TAF3: variants seen among roughly 807,000 people sequenced by gnomAD.
TAF3 encodes the protein TATA-box binding protein associated factor 3.
A neutral mutation model predicts 80.6 loss-of-function variants in TAF3; 7 were observed. The ratio of observed to expected loss-of-function variants is 0.09; its 90% CI spans 0.05 to 0.16. TAF3 has a LOEUF of 0.16. Ranked by LOEUF, TAF3 falls within the 10% of genes least tolerant of loss-of-function variation. TAF3 has a pLI of 1.00. For synonymous variants in TAF3, 444 were observed against 446.1 expected, an observed-to-expected ratio of 1.00 and a Z score of 0.06; for missense variants, 921 against 1,140.2, an observed-to-expected ratio of 0.81 and a Z score of 2.77.
chr10:8,008,020 G>A (rs114102784), intron 4 of TAF3, among the ~76,000 whole-genome samples: 2,390 of 151,676 alleles, frequency 0.016, 70 homozygotes, highest in African/African-American at 0.055. Context: ...AGCGACCTGC[G>A]GCAGCATCAC....
chr10:7,932,915 A>G (rs906376538), intron 2 of TAF3, among the ~76,000 whole-genome samples: 6 of 151,922 alleles, frequency 3.9e-5, no homozygotes, highest in African/African-American at 1.5e-4. Flanking sequence ...CCTGGGCTCG[A>G]GTGATCCTCC....
At chr10:7,941,315 T>G (rs1837973676) in intron 2 of TAF3, among the ~76,000 whole-genome samples, 1 of 152,228 alleles carries the variant, frequency 6.6e-6, no homozygotes, top group South Asian at 2.1e-4. Context: ...ATTTGTTGAA[T>G]TAAACTTCAA....
intron 2 of TAF3, among the ~76,000 whole-genome samples, chr10:7,959,031 T>C (rs1186127316): frequency 2.0e-5 from 3 of 151,908 alleles, no homozygotes; most frequent in African/African-American, 7.3e-5. Flanking sequence ...TCTCAGCTAC[T>C]TGGGAGGCTG....
chr10:7,840,460 G>T (rs1046644295), intron 2 of TAF3, among the ~76,000 whole-genome samples: 3 of 151,156 alleles, frequency 2.0e-5, no homozygotes, highest in Non-Finnish European at 2.9e-5. Context: ...CCTGGAAAAT[G>T]AGTGTTTTGA....
Position 7,880,723 on chromosome 10 carries a change from A to G in TAF3, c.409+56163A>G, listed in dbSNP as rs529550844. On this transcript the variant is annotated intron_variant, in intron 2 of 6. Coordinates refer to ENST00000344293, the MANE Select transcript of TAF3 (RefSeq NM_031923.4). ...GGTGGATTTTTTTTTAGTAGTTTCT[A>G]TTCTGACCACCAAGGTTATCAGATT... 1.6e-3 allele frequency among the ~76,000 whole-genome samples: 245 copies of G among 152,054 alleles called. 1 individual carries two copies. Among genetic ancestry groups the G allele is most frequent in the Admixed American group, 5.1e-3 (78 of 15,256 alleles).
intron 4 of TAF3, among the ~76,000 whole-genome samples, chr10:7,995,690 G>A (rs560530721): frequency 6.6e-5 from 10 of 152,240 alleles, no homozygotes; most frequent in South Asian, 4.1e-4. Context: ...TGCATTAAAA[G>A]ATAAAATGTT....
chr10:7,915,260 A>C (rs7076815), intron 2 of TAF3, among the ~76,000 whole-genome samples: 85,627 of 151,040 alleles, frequency 0.57, 25,742 homozygotes, highest in East Asian at 0.71. Context: ...CCAGCCTTTT[A>C]TGAAGAACCT....
At chr10:7,945,507 C>T (rs530399954) in intron 2 of TAF3, among the ~76,000 whole-genome samples, 1 of 152,308 alleles carries the variant, frequency 6.6e-6, no homozygotes, top group African/African-American at 2.4e-5. Context: ...ATCTTCCCTT[C>T]TTCTAGTTAA....
At chr10:7,992,628 T>G (rs1426855930) in intron 4 of TAF3, among the ~76,000 whole-genome samples, 1 of 148,732 alleles carries the variant, frequency 6.7e-6, no homozygotes, top group Non-Finnish European at 1.5e-5. Context: ...ATGTATGGAG[T>G]GAAATAATGA....
chr10:7,906,257 G>T (rs1837607710), intron 2 of TAF3, among the ~76,000 whole-genome samples: 1 of 152,078 alleles, frequency 6.6e-6, no homozygotes, highest in Non-Finnish European at 1.5e-5. Context: ...TTTCTCTCAA[G>T]TTATTGGCAC....
intron 2 of TAF3, among the ~76,000 whole-genome samples, chr10:7,840,505 T>C (rs928113957): frequency 6.6e-6 from 1 of 151,342 alleles, no homozygotes; most frequent in Non-Finnish European, 1.5e-5. Context: ...TCTACTTCTC[T>C]CTTCTAGGCA....
intron 4 of TAF3, among the ~76,000 whole-genome samples, chr10:7,979,693 T>C (rs1383719110): frequency 6.6e-6 from 1 of 151,974 alleles, no homozygotes; most frequent in Non-Finnish European, 1.5e-5. Flanking sequence ...AACAAAGAGA[T>C]AAATGAAGTG....
intron 2 of TAF3, among the ~76,000 whole-genome samples, chr10:7,889,720 A>C (rs950108060): frequency 6.6e-6 from 1 of 152,156 alleles, no homozygotes; most frequent in Non-Finnish European, 1.5e-5. Flanking sequence ...GTCCTGTCCT[A>C]TATCCCTATC....
In TAF3 at chr10:7,941,395, A is replaced by G. The variant is rs142331838; in HGVS notation, c.410-22525A>G. On this transcript the variant is annotated intron_variant, in intron 2 of 6. Coordinates refer to ENST00000344293, the MANE Select transcript of TAF3 (RefSeq NM_031923.4). ...CAGTTGTTGCTAGATACAGGTCAGC[A>G]GGGTGGGGATTATTTGTAACTGCAC... 2.1e-3 allele frequency among the ~76,000 whole-genome samples: 325 copies of G among 152,340 alleles called. 3 individuals carry two copies. In the East Asian group the frequency reaches 0.045, roughly 21 times the overall value.
At chr10:7,988,463 T>C (rs1309659027) in intron 4 of TAF3, among the ~76,000 whole-genome samples, 2 of 148,260 alleles carry the variant, frequency 1.3e-5, no homozygotes, top group African/African-American at 5.0e-5. Flanking sequence ...TCCCAGCTAC[T>C]CAGGAGGTTG....
intron 2 of TAF3, among the ~76,000 whole-genome samples, chr10:7,834,799 C>A (rs1179614425): frequency 1.3e-5 from 2 of 152,146 alleles, no homozygotes; most frequent in Admixed American, 1.3e-4. Context: ...TTCATGATTA[C>A]TGAAACAGGT....
At chr10:7,836,876 A>G (rs1455728697) in intron 2 of TAF3, among the ~76,000 whole-genome samples, 1 of 152,214 alleles carries the variant, frequency 6.6e-6, no homozygotes, top group African/African-American at 2.4e-5. Flanking sequence ...TGGCTCTCCA[A>G]CTGCTTACAG....
intron 5 of TAF3, among the ~76,000 whole-genome samples, chr10:8,011,996 G>A (rs1309329219): frequency 6.6e-6 from 1 of 152,156 alleles, no homozygotes; most frequent in Non-Finnish European, 1.5e-5. Flanking sequence ...GGGCAACATA[G>A]TGAGACCCCA....
intron 2 of TAF3, among the ~76,000 whole-genome samples, chr10:7,844,072 A>T (rs1836945417): frequency 6.6e-6 from 1 of 152,190 alleles, no homozygotes; most frequent in African/African-American, 2.4e-5. Context: ...AAGGATAGTA[A>T]CAATTTGTTC....
Sources: allele counts gnomAD v4.1 joint callset (sites outside exome capture counted in the v4.1 genomes callset), GRCh38; gene constraint gnomAD v4.1.1; transcripts MANE v1.5; gene names NCBI Gene and HGNC (gene_info 2026-07-23, HGNC 2026-07-21).